Variants in NR1I2 observed in about 807,000 individuals in gnomAD.
NR1I2 encodes orphan nuclear receptor PAR1.
In NR1I2, 42 loss-of-function variants were observed where a neutral mutation model predicts 43.3. The ratio of observed to expected loss-of-function variants is 0.97; its 90% confidence interval spans 0.76 to 1.26. The LOEUF (loss-of-function observed/expected upper bound fraction) is 1.26, where lower values mean the gene tolerates loss of function less well. Among genes scored for constraint, NR1I2 ranks in the 50% most tolerant of loss-of-function variants. NR1I2 has a pLI of 0.00. For missense variants in NR1I2, 559 were observed against 566.7 expected, an observed-to-expected ratio of 0.99 and a Z score of 0.14; for synonymous variants, 229 against 215.0, an observed-to-expected ratio of 1.06 and a Z score of -0.57.
At position 119,811,651 on chromosome 3, in the gene NR1I2, G is replaced by A; in HGVS notation, c.444G>A (p.Arg148=). The A allele has an allele frequency of 6.2e-7, 1 of 1,614,078 alleles. No individual in the cohort carries two copies. Among genetic ancestry groups the A allele is most frequent in the Non-Finnish European group, 8.5e-7 (1 of 1,179,980 alleles). Residue 148 remains arginine, a synonymous_variant, in exon 4 of 9, where the codon CGG becomes CGA. Transcript: ENST00000393716. ...TGCAGGGGCTGACAGAGGAGCAGCG[G>A]ATGATGATCAGGGAGCTGATGGACG...
At chr3:119,815,671 T>C in intron 7 of NR1I2, 55 bp from the exon 8 acceptor site, 1 of 1,466,192 alleles carries the variant, frequency 6.8e-7, no homozygotes, top group Non-Finnish European at 9.5e-7. Context: ...GACTCTGGGC[T>C]GGACTGAGCT....
intron 1 of NR1I2, among the ~76,000 whole-genome samples, chr3:119,797,107 G>A (rs1577274319): frequency 6.6e-6 from 1 of 152,046 alleles, no homozygotes; most frequent in African/African-American, 2.4e-5. Context: ...TTATGTGTGT[G>A]TCATTCATGG....
intron 1 of NR1I2, among the ~76,000 whole-genome samples, chr3:119,803,176 GA>G (rs374112140): frequency 0.036 from 5,311 of 145,608 alleles, 303 homozygotes; most frequent in African/African-American, 0.12. Flanking sequence ...TACTAAAAAT[GA>G]AAAAAAAAAA....
At position 119,818,182 on chromosome 3, in the gene NR1I2, T is replaced by G; in HGVS notation, c.*970T>G. The G allele has an allele frequency of 1.0e-6, 1 of 985,796 alleles. No individual in the cohort carries two copies. Among genetic ancestry groups the G allele is most frequent in the Non-Finnish European group, 1.2e-6 (1 of 830,042 alleles). The allele number at this position is 985,796 out of a possible 1,614,324, so 61.1% of individuals were successfully genotyped here. On this transcript the variant is annotated 3_prime_UTR_variant, in exon 9 of 9. Transcript: ENST00000393716. ...TTTGCCACTTGATGGGGCCTGGGTT[T>G]GTTCCTGGGGCTGGAATGCTGGGTA...
chr3:119,804,800 A>C (rs1056135779), intron 1 of NR1I2, among the ~76,000 whole-genome samples: 1 of 151,900 alleles, frequency 6.6e-6, no homozygotes, highest in Non-Finnish European at 1.5e-5. Context: ...TCACCCTTTC[A>C]GTTTCTTAAC....
chr3:119,815,494 C>T, intron 7 of NR1I2, 55 bp downstream of exon 7: 1 of 1,421,548 alleles, frequency 7.0e-7, no homozygotes, highest in African/African-American at 1.4e-5. Flanking sequence ...CTGCCCTCCC[C>T]AGGGAAGGTC....
At chr3:119,790,879 C>T (rs954007818) in intron 1 of NR1I2, among the ~76,000 whole-genome samples, 1 of 152,192 alleles carries the variant, frequency 6.6e-6, no homozygotes, top group African/African-American at 2.4e-5. Context: ...CTGCCAACTT[C>T]AATGGGCTGT....
chr3:119,814,078 G>A (rs1321188014), intron 5 of NR1I2, among the ~76,000 whole-genome samples: 1 of 152,196 alleles, frequency 6.6e-6, no homozygotes, highest in Non-Finnish European at 1.5e-5. Context: ...AGAAGAATAA[G>A]ATCAATTACA....
At chr3:119,813,623 A>G (rs1458658129) in intron 5 of NR1I2, among the ~76,000 whole-genome samples, 1 of 152,132 alleles carries the variant, frequency 6.6e-6, no homozygotes, top group Non-Finnish European at 1.5e-5. Context: ...CACCTGCCAC[A>G]AGCTCCTGGT....
chr3:119,807,086 C>T (rs577246695), intron 1 of NR1I2, 143 bp from the exon 2 acceptor site: 74 of 727,582 alleles, frequency 1.0e-4, no homozygotes, highest in Admixed American at 2.8e-4. Flanking sequence ...CCCCATTCCC[C>T]GCTTTTTTTC....
At position 119,792,906 on chromosome 3, in the gene NR1I2, G is replaced by A. The variant is rs116366822; in HGVS notation, c.-23+10606G>A. On this transcript the variant is annotated intron_variant, in intron 1 of 8. Coordinates refer to ENST00000393716, the MANE Select transcript of NR1I2 (RefSeq NM_003889.4). ...AAAAAACAAACAAAAAAAAAGAAACGTGGCCTCCAATGTTGGAGGTAGGCC... is the reference window on the plus strand; with the variant it reads ...AAAAAACAAACAAAAAAAAAGAAACATGGCCTCCAATGTTGGAGGTAGGCC... Among the ~76,000 whole-genome samples, 942 of 152,006 alleles carry A rather than the reference G, an allele frequency of 6.2e-3. 8 individuals are homozygous for A. The highest frequency in any genetic ancestry group is 0.022 in the African/African-American group (897 of 41,476).
At chr3:119,797,983 T>C (rs2055023474) in intron 1 of NR1I2, among the ~76,000 whole-genome samples, 1 of 150,484 alleles carries the variant, frequency 6.6e-6, no homozygotes, top group African/African-American at 2.5e-5. Flanking sequence ...TTGTGGTTAA[T>C]TTTTTTTTTC....
intron 3 of NR1I2, 79 bp from the exon 4 acceptor site, chr3:119,811,460 G>A: frequency 7.1e-7 from 1 of 1,405,804 alleles, no homozygotes; most frequent in Non-Finnish European, 9.7e-7. Context: ...TGCCTTGAGA[G>A]GGTTACACAG....
chr3:119,813,374 G>A (rs920795401), intron 5 of NR1I2, among the ~76,000 whole-genome samples: 2 of 152,168 alleles, frequency 1.3e-5, no homozygotes, highest in African/African-American at 2.4e-5. Flanking sequence ...AGGCTGTGAA[G>A]GCCATGGGGA....
At chr3:119,814,589 T>C (rs1301274617) in intron 5 of NR1I2, among the ~76,000 whole-genome samples, 2 of 152,028 alleles carry the variant, frequency 1.3e-5, no homozygotes, top group Admixed American at 1.3e-4. Context: ...GCTAGCAGGA[T>C]ATACTAAAGG....
intron 1 of NR1I2, among the ~76,000 whole-genome samples, chr3:119,799,399 G>C (rs570996992): frequency 6.6e-6 from 1 of 152,170 alleles, no homozygotes; most frequent in Admixed American, 6.5e-5. Flanking sequence ...ATATTATTGA[G>C]TTGTAAGAGT....
At chr3:119,800,849 T>G (rs989240902) in intron 1 of NR1I2, among the ~76,000 whole-genome samples, 15 of 152,360 alleles carry the variant, frequency 9.8e-5, no homozygotes, top group African/African-American at 3.4e-4. Context: ...GGACCCTGTC[T>G]GGGGTGAACC....
At chr3:119,783,665 T>C (rs2054807754) in intron 1 of NR1I2, among the ~76,000 whole-genome samples, 1 of 152,228 alleles carries the variant, frequency 6.6e-6, no homozygotes, top group Admixed American at 6.5e-5. Context: ...GATTTCATGC[T>C]CCTTGAAAAT....
chr3:119,807,527 C>T, intron 2 of NR1I2, 80 bp downstream of exon 2: 3 of 1,229,892 alleles, frequency 2.4e-6, no homozygotes, highest in Non-Finnish European at 3.6e-6. Context: ...CTTGACCTGT[C>T]CCCCAGGTTC....
Sources: gnomAD v4.1 joint callset for allele counts (sites outside exome capture counted in the v4.1 genomes callset) on GRCh38, gnomAD v4.1.1 for gene constraint, MANE v1.5 for transcripts, NCBI Gene and HGNC (gene_info 2026-07-23, HGNC 2026-07-21) for gene names.